Variants in POU6F2 observed in about 807,000 individuals in gnomAD.
POU6F2 encodes the protein POU class 6 homeobox 2, also known as POU domain, class 6, transcription factor 2.
A neutral mutation model predicts 71.3 loss-of-function variants in POU6F2; 31 were observed. That is an observed-to-expected ratio of 0.43 (90% CI 0.33 to 0.59). The LOEUF is 0.59. Among genes scored for constraint, POU6F2 ranks in the 20% least tolerant of loss-of-function variants. POU6F2 has a pLI of 0.04. For synonymous variants in POU6F2, 347 were observed against 355.7 expected, an observed-to-expected ratio of 0.98 and a Z score of 0.27; for missense variants, 783 against 856.8, an observed-to-expected ratio of 0.91 and a Z score of 1.07.
At chr7:39,087,966 G>A (rs1282500531) in intron 2 of POU6F2, among the ~76,000 whole-genome samples, 2 of 152,064 alleles carry the variant, frequency 1.3e-5, no homozygotes, top group African/African-American at 2.4e-5. Context: ...AAAGTTTAAT[G>A]GCATTTACTA....
chr7:39,228,529 C>A (rs1167310108), intron 4 of POU6F2, among the ~76,000 whole-genome samples: 1 of 152,190 alleles, frequency 6.6e-6, no homozygotes, highest in Non-Finnish European at 1.5e-5. Flanking sequence ...CATAACATTT[C>A]TAGGGAAAAG....
intron 5 of POU6F2, among the ~76,000 whole-genome samples, chr7:39,366,796 G>A (rs1027531428): frequency 1.3e-5 from 2 of 152,136 alleles, no homozygotes; most frequent in African/African-American, 4.8e-5. Flanking sequence ...TCAGGAGTTG[G>A]GGAGGCAGGG....
chr7:39,115,413 C>T (rs898410537), intron 2 of POU6F2, among the ~76,000 whole-genome samples: 1 of 152,028 alleles, frequency 6.6e-6, no homozygotes, highest in African/African-American at 2.4e-5. Context: ...TTTTCTGGTA[C>T]TTTGGGCTCC....
intron 2 of POU6F2, among the ~76,000 whole-genome samples, chr7:39,170,858 A>G (rs1793205085): frequency 6.6e-6 from 1 of 152,014 alleles, no homozygotes; most frequent in Non-Finnish European, 1.5e-5. Context: ...CGTTCTGCCT[A>G]TGAAGTAGCC....
intron 4 of POU6F2, among the ~76,000 whole-genome samples, chr7:39,263,984 C>G (rs1401255800): frequency 2.0e-5 from 3 of 152,212 alleles, no homozygotes; most frequent in Non-Finnish European, 4.4e-5. Flanking sequence ...AGTCTGACTT[C>G]CAATGTCAAC....
At chr7:39,074,465 G>T (rs187622515) in intron 1 of POU6F2, among the ~76,000 whole-genome samples, 2 of 151,818 alleles carry the variant, frequency 1.3e-5, no homozygotes, top group African/African-American at 4.8e-5. Flanking sequence ...GGACGACAGA[G>T]TGAGACTTGT....
intron 1 of POU6F2, among the ~76,000 whole-genome samples, chr7:39,056,662 C>CTCTCTCTG (rs1554313685): frequency 4.4e-5 from 5 of 113,330 alleles, no homozygotes; most frequent in African/African-American, 7.5e-5. Context: ...CTCTCTCTCT[C>CTCTCTCTG]TGTGTGTGTG....
chr7:39,338,383 C>T (rs1413492501), intron 4 of POU6F2, among the ~76,000 whole-genome samples: 1 of 152,188 alleles, frequency 6.6e-6, no homozygotes, highest in Admixed American at 6.5e-5. Context: ...CTCATGCCAT[C>T]TCTATCTCTA....
intron 2 of POU6F2, among the ~76,000 whole-genome samples, chr7:39,164,279 T>TA (rs1205286763): frequency 6.6e-6 from 1 of 150,972 alleles, no homozygotes; most frequent in East Asian, 2.0e-4. Context: ...ATTTTTTTTT[T>TA]ACCGTCTTTT....
intron 5 of POU6F2, among the ~76,000 whole-genome samples, chr7:39,348,763 A>G (rs1157188592): frequency 6.6e-6 from 1 of 152,216 alleles, no homozygotes; most frequent in East Asian, 1.9e-4. Flanking sequence ...TTTTATTAAA[A>G]ACAGATTCCA....
intron 1 of POU6F2, among the ~76,000 whole-genome samples, chr7:39,020,873 G>A (rs1213846109): frequency 2.6e-5 from 4 of 151,682 alleles, no homozygotes; most frequent in Non-Finnish European, 4.4e-5. Flanking sequence ...TTTTGCTTAA[G>A]CTATACTTTG....
intron 2 of POU6F2, among the ~76,000 whole-genome samples, chr7:39,183,644 C>A (rs528218047): frequency 5.0e-4 from 76 of 152,306 alleles, no homozygotes; most frequent in Non-Finnish European, 8.5e-4. Flanking sequence ...CAGATCACCA[C>A]CCTCTTTGGT....
chr7:39,152,068 A>G (rs993961874), intron 2 of POU6F2, among the ~76,000 whole-genome samples: 4 of 152,186 alleles, frequency 2.6e-5, no homozygotes, highest in African/African-American at 9.7e-5. Context: ...TTATGCTTGT[A>G]TACTCATGCA....
At chr7:39,103,734 G>A (rs1276894442) in intron 2 of POU6F2, among the ~76,000 whole-genome samples, 1 of 152,026 alleles carries the variant, frequency 6.6e-6, no homozygotes, top group African/African-American at 2.4e-5. Flanking sequence ...GTGTTACTTG[G>A]AGCTGGAGAA....
intron 1 of POU6F2, chr7:39,083,928 G>GCTGT (rs1791182114): frequency 6.6e-6 from 1 of 152,150 alleles, no homozygotes; most frequent in Admixed American, 6.5e-5. Context: ...GGGGAAAGGA[G>GCTGT]CTGTCATGTT....
intron 6 of POU6F2, among the ~76,000 whole-genome samples, chr7:39,427,706 T>C (rs2299129): frequency 0.3 from 45,675 of 152,088 alleles, 7,256 homozygotes; most frequent in East Asian, 0.55. Context: ...GATTGAAAGA[T>C]CTGAGGAAGT....
At chr7:39,442,127 G>T (rs764627436) in intron 7 of POU6F2, among the ~76,000 whole-genome samples, 9 of 151,976 alleles carry the variant, frequency 5.9e-5, no homozygotes, top group Non-Finnish European at 1.0e-4. Context: ...CTTGTTCAAT[G>T]AGTACAAAAA....
intron 4 of POU6F2, among the ~76,000 whole-genome samples, chr7:39,228,635 G>T (rs1013551481): frequency 2.0e-5 from 3 of 152,218 alleles, no homozygotes; most frequent in African/African-American, 7.2e-5. Flanking sequence ...ACAGGATGCC[G>T]CCGAGGTCAA....
At chr7:38,983,674 T>C (rs1252562591) in intron 1 of POU6F2, among the ~76,000 whole-genome samples, 1 of 152,154 alleles carries the variant, frequency 6.6e-6, no homozygotes, top group Non-Finnish European at 1.5e-5. Flanking sequence ...TGTGAGCCAA[T>C]TGTGGTGAAT....
Sources: gnomAD v4.1 joint callset for allele counts (sites outside exome capture counted in the v4.1 genomes callset) on GRCh38, gnomAD v4.1.1 for gene constraint, MANE v1.5 for transcripts, NCBI Gene and HGNC (gene_info 2026-07-23, HGNC 2026-07-21) for gene names.